The following DLG4 variants were observed in gnomAD, a reference collection of about 807,000 sequenced individuals.
DLG4 encodes the protein disks large homolog 4.
DLG4 carries 7 observed loss-of-function variants against 93.8 expected under a neutral mutation model. The observed-to-expected ratio is 0.07, with a 90% confidence interval of 0.04 to 0.14. The LOEUF (loss-of-function observed/expected upper bound fraction) is 0.14. DLG4 is among the 10% of genes least tolerant of loss of function. The pLI is 1.00. For synonymous variants in DLG4, 341 were observed against 387.6 expected (o/e 0.88, Z 1.41); for missense variants, 545 against 992.9 (o/e 0.55, Z 6.06).
intron 2 of DLG4, among the ~76,000 whole-genome samples, chr17:7,207,722 GCGCA>G (rs58327370): frequency 1.6e-3 from 250 of 151,566 alleles, no homozygotes; most frequent in African/African-American, 5.6e-3. Context: ...CACACAAACG[GCGCA>G]CGCACGCACA....
In DLG4 at chr17:7,188,464, T is replaced by A. The variant is rs1190782127; in HGVS notation, c.*2244A>T. Among the ~76,000 whole-genome samples the A allele has an allele frequency of 6.6e-6, 1 of 152,068 alleles. No homozygotes were observed. ...CCTTACCCACTGGAGCACCTGAGAA[T>A]CAGAGAAAGGAATAGTACCCCAGCA... On this transcript the variant is annotated 3_prime_UTR_variant, in exon 20 of 20. Transcript: ENST00000399506.
Position 7,190,077 on chromosome 17 carries a change from GA to G in DLG4, c.*630del, listed in dbSNP as rs5819149. The G allele has an allele frequency of 0.69, 50,151 of 73,086 alleles. 16,181 individuals carry two copies. The highest frequency in any genetic ancestry group is 0.78 in the African/African-American group (13,095 of 16,890). The allele number at this position is 73,086 out of a possible 1,614,324, so 4.5% of individuals were successfully genotyped here. A position where few individuals can be genotyped will look rare whatever the true frequency, so the allele number is the denominator to read the frequency against. Reference sequence around the variant, plus strand: ...CCCTTTTCCCCAAAAAAATTCCCAGGAAAAAAAAAAAAAAAAGCCACATTTA... The same window carrying G: ...CCCTTTTCCCCAAAAAAATTCCCAGGAAAAAAAAAAAAAAAGCCACATTTA... On this transcript the variant is annotated 3_prime_UTR_variant, in exon 20 of 20. Coordinates refer to ENST00000399506, the MANE Select transcript of DLG4 (RefSeq NM_001321075.3).
rs552969943 is a variant in DLG4 at position 7,197,066 on chromosome 17, G to A, written c.788-14C>T. The A allele has an allele frequency of 1.3e-6, 2 of 1,590,030 alleles. No homozygotes were observed. Among genetic ancestry groups the A allele is most frequent in the East Asian group, 4.5e-5 (2 of 44,360 alleles). On this transcript the variant is annotated splice_polypyrimidine_tract_variant and intron_variant, in intron 8 of 19. Coordinates refer to ENST00000399506, the MANE Select transcript of DLG4 (RefSeq NM_001321075.3). The stretch of plus-strand genomic sequence containing the variant: ...GCTGGGAATAAGCTGAGGAAGACAG[G>A]GCAGAGATGAAAGTGCCTGGAGGGA...
chr17:7,190,996 G>GTTTT (rs2069464860), intron 19 of DLG4, among the ~76,000 whole-genome samples, 182 bp from the exon 20 acceptor site: 5 of 120,836 alleles, frequency 4.1e-5, no homozygotes, highest in African/African-American at 1.7e-4. Context: ...TTGAGATTGA[G>GTTTT]TTTTGCTCTT....
chr17:7,204,905 G>C (rs748139332), intron 2 of DLG4: 56 of 972,970 alleles, frequency 5.8e-5, no homozygotes, highest in Non-Finnish European at 6.5e-5. Flanking sequence ...GTGTTGCCTA[G>C]CAACGGTATC....
At chr17:7,197,477 C>T (rs2069854223) in intron 8 of DLG4, among the ~76,000 whole-genome samples, 1 of 150,238 alleles carries the variant, frequency 6.7e-6, no homozygotes. Flanking sequence ...TTCCCACATT[C>T]TATGAGGGAA....
chr17:7,198,118 T>G (rs2069898244), intron 8 of DLG4, among the ~76,000 whole-genome samples: 1 of 152,154 alleles, frequency 6.6e-6, no homozygotes, highest in Non-Finnish European at 1.5e-5. Flanking sequence ...AATCACCGCC[T>G]GGTTCTGATA....
In DLG4 at chr17:7,194,531, G is replaced by A. The variant is rs1421762959; in HGVS notation, c.1302-36C>T. 4 of 1,571,020 alleles carry A rather than the reference G, an allele frequency of 2.5e-6. No homozygotes were observed. The highest frequency in any genetic ancestry group is 2.6e-6 in the Non-Finnish European group (3 of 1,158,378). Reference sequence around the variant, plus strand: ...AGTGGCTATCGGTCAGAGCCCAGCTGAGGACTCCAGGAAGGATGCCCCAGT... The same window carrying A: ...AGTGGCTATCGGTCAGAGCCCAGCTAAGGACTCCAGGAAGGATGCCCCAGT... On this transcript the variant is annotated intron_variant, in intron 11 of 19. Coordinates refer to ENST00000399506, the MANE Select transcript of DLG4 (RefSeq NM_001321075.3). This position sits in a 1 kb window ranked among gnomAD's most constrained non-coding sequence, Gnocchi z 4.4.
At position 7,190,383 on chromosome 17, in the gene DLG4, TG is replaced by T; in HGVS notation, c.*324del. The T allele has an allele frequency of 2.8e-6, 1 of 355,474 alleles. No individual in the cohort carries two copies. The highest frequency in any genetic ancestry group is 5.3e-6 in the Non-Finnish European group (1 of 188,886). The allele number at this position is 355,474 out of a possible 1,614,324, so 22.0% of individuals were successfully genotyped here. On this transcript the variant is annotated 3_prime_UTR_variant, in exon 20 of 20. Transcript: ENST00000399506. ...CTTCTGGAATGTGTGTGGGAGAGGATGGGGGAGGGCAGGTGGCCCCCGGTGG... is the reference window on the plus strand; with the variant it reads ...CTTCTGGAATGTGTGTGGGAGAGGATGGGGAGGGCAGGTGGCCCCCGGTGG...
chr17:7,193,873 TAAG>T lies in DLG4; in HGVS notation c.1516-5_1516-3del. The T allele has an allele frequency of 6.2e-7, 1 of 1,612,546 alleles. No individual in the cohort carries two copies. The highest frequency in any genetic ancestry group is 8.5e-7 in the Non-Finnish European group (1 of 1,179,308). ...CGATCCAGAGCTGGAGCCCCAGTCC[TAAG>T]AAGAAAAAGCAGGCCACGGGGTTAG... On this transcript the variant is annotated splice_region_variant and splice_polypyrimidine_tract_variant and intron_variant, in intron 13 of 19. Coordinates refer to ENST00000399506, the MANE Select transcript of DLG4 (RefSeq NM_001321075.3). This position sits in a 1 kb window ranked among gnomAD's most constrained non-coding sequence, Gnocchi z 6.7.
rs780092811 is a variant in DLG4 at position 7,190,757 on chromosome 17, T to G, written c.2126A>C (p.Glu709Ala). 1 of 1,613,592 alleles carries G rather than the reference T, an allele frequency of 6.2e-7. No individual in the cohort carries two copies. The highest frequency in any genetic ancestry group is 8.5e-7 in the Non-Finnish European group (1 of 1,179,694). Residue 709 changes from glutamate (E) to alanine (A), a missense_variant, in exon 20 of 20, where the codon GAG becomes GCG. Glu to Ala is a moderately radical substitution (Grantham distance 107). Coordinates refer to ENST00000399506, the MANE Select transcript of DLG4 (RefSeq NM_001321075.3). ...CCAGATGTAGGGGCCTGAGAGGTCCTCGATGACACGCTTCACCTTGTGGTA... is the reference window on the plus strand; with the variant it reads ...CCAGATGTAGGGGCCTGAGAGGTCCGCGATGACACGCTTCACCTTGTGGTA... ...EIYHKVKRVI[E>A]DLSGPYIWVP... is the part of the protein sequence containing the mutation.
rs950742690 is a variant in DLG4, at chr17:7,217,582, C to T, written c.-435G>A. ...GGGGTGGGGGGGTTGGAAACGGCAG[C>T]GGCCGAGGGAGCCGTGGAGCCGAAG... On this transcript the variant is annotated 5_prime_UTR_variant, in exon 1 of 20. Coordinates refer to ENST00000399506, the MANE Select transcript of DLG4 (RefSeq NM_001321075.3). The T allele has an allele frequency of 3.7e-6, 5 of 1,336,208 alleles. No homozygotes were observed. Among genetic ancestry groups the T allele is most frequent in the African/African-American group, 1.7e-5 (1 of 58,224 alleles). 82.8% of individuals were successfully genotyped at this position (1,336,208 alleles called of 1,614,324 possible).
chr17:7,217,686 T>C, upstream of DLG4: 1 of 1,515,118 alleles, frequency 6.6e-7, no homozygotes, highest in Non-Finnish European at 8.8e-7. Flanking sequence ...GGGGGTGCCT[T>C]GGCAGAGTTA....
rs2069425476 is a variant in DLG4, at chr17:7,190,393, CA to C, written c.*314del. 1 of 379,584 alleles carries C rather than the reference CA, an allele frequency of 2.6e-6. No homozygotes were observed. Among genetic ancestry groups the C allele is most frequent in the East Asian group, 5.3e-5 (1 of 18,862 alleles). The allele number at this position is 379,584 out of a possible 1,614,324, so 23.5% of individuals were successfully genotyped here. ...GTGTGTGGGAGAGGATGGGGGAGGGCAGGTGGCCCCCGGTGGGTCTGTGTGT... is the reference window on the plus strand; with the variant it reads ...GTGTGTGGGAGAGGATGGGGGAGGGCGGTGGCCCCCGGTGGGTCTGTGTGT... On this transcript the variant is annotated 3_prime_UTR_variant, in exon 20 of 20. Coordinates refer to ENST00000399506, the MANE Select transcript of DLG4 (RefSeq NM_001321075.3).
rs1567799092 is a variant in DLG4, at chr17:7,189,357, CA to C, written c.*1350del. On this transcript the variant is annotated 3_prime_UTR_variant, in exon 20 of 20. Transcript: ENST00000399506. ...ATACAAAATTAGCCAGGCATGGTGG[CA>C]GTAATCTGTAATCCCAGCTACTCAG... is the stretch of plus-strand genomic sequence containing the variant. Among the ~76,000 whole-genome samples, 2 of 151,664 alleles carry C rather than the reference CA, an allele frequency of 1.3e-5. No individual in the cohort carries two copies. Among genetic ancestry groups the C allele is most frequent in the African/African-American group, 4.8e-5 (2 of 41,254 alleles).
Position 7,194,153 on chromosome 17 carries a change from T to C in DLG4, c.1479-153A>G, listed in dbSNP as rs922049248. Among the ~76,000 whole-genome samples the C allele has an allele frequency of 2.6e-5, 4 of 151,748 alleles. No homozygotes were observed. Among genetic ancestry groups the C allele is most frequent in the Admixed American group, 6.6e-5 (1 of 15,244 alleles). ...GGACACTGTGCTCCTCAATAAGGAG[T>C]TGTCCTTCCCAAAGGCTCATGGGAG... On this transcript the variant is annotated intron_variant, in intron 12 of 19. Coordinates refer to ENST00000399506, the MANE Select transcript of DLG4 (RefSeq NM_001321075.3). This position sits in a 1 kb window ranked among gnomAD's most constrained non-coding sequence, Gnocchi z 4.4.
In DLG4 at chr17:7,194,701, T is replaced by G. The variant is rs2069678120; in HGVS notation, c.1302-206A>C. On this transcript the variant is annotated intron_variant, in intron 11 of 19. Coordinates refer to ENST00000399506, the MANE Select transcript of DLG4 (RefSeq NM_001321075.3). This position sits in a 1 kb window ranked among gnomAD's most constrained non-coding sequence, Gnocchi z 4.4. ...ATCACTCAGTCCACACTGAGCACAG[T>G]TTCCAGAGGCAGGGCTTGAACTTGA... Among the ~76,000 whole-genome samples the G allele has an allele frequency of 6.6e-6, 1 of 152,078 alleles. No individual in the cohort carries two copies. Among genetic ancestry groups the G allele is most frequent in the Non-Finnish European group, 1.5e-5 (1 of 68,004 alleles).
rs796462995 is a variant in DLG4 at position 7,208,518 on chromosome 17, T to C, written c.31-279A>G. Among the ~76,000 whole-genome samples the C allele has an allele frequency of 9.2e-5, 14 of 152,206 alleles. No individual in the cohort carries two copies. The highest frequency in any genetic ancestry group is 3.1e-4 in the African/African-American group (13 of 41,534). ...CTCACATCCTGGGACACTGGCCTTC[T>C]GGTGGGCATAGCCCCTCTGGCATCT... On this transcript the variant is annotated intron_variant, in intron 1 of 19. Transcript: ENST00000399506. The surrounding 1 kb of genome is among the most constrained non-coding windows in gnomAD (Gnocchi z 5.4).
rs2070975265 is a variant in DLG4 at position 7,217,437 on chromosome 17, C to G, written c.-290G>C. ...GCGGGGGCACCGGGGGCTGGCAGCC[C>G]CGGAGTTCGGGGGCTGGGGCATGAG... On this transcript the variant is annotated 5_prime_UTR_variant, in exon 1 of 20. Transcript: ENST00000399506. 4.1e-6 allele frequency: 1 copy of G among 245,888 alleles called. No individual in the cohort carries two copies. The highest frequency in any genetic ancestry group is 4.1e-5 in the African/African-American group (1 of 24,268). The allele number at this position is 245,888 out of a possible 1,614,324, so 15.2% of individuals were successfully genotyped here. A position where few individuals can be genotyped will look rare whatever the true frequency, so the allele number is the denominator to read the frequency against.
Sources: gnomAD v4.1 joint callset for allele counts (sites outside exome capture counted in the v4.1 genomes callset) on GRCh38, gnomAD v4.1.1 for gene constraint, Gnocchi (gnomAD v3.1) non-coding constraint, MANE v1.5 for transcripts, NCBI Gene and HGNC (gene_info 2026-07-23, HGNC 2026-07-21) for gene names.